The following MMP16 variants were observed in gnomAD, a reference collection of about 807,000 sequenced individuals.
MMP16 encodes the protein matrix metallopeptidase 16.
MMP16 carries 12 observed loss-of-function variants against 67.8 expected under a neutral mutation model. The observed-to-expected ratio is 0.18, with a 90% CI of 0.11 to 0.29. The LOEUF is 0.29. Among genes scored for constraint, MMP16 ranks in the 10% least tolerant of loss-of-function variants. MMP16 has a pLI of 1.00. For synonymous variants in MMP16, 249 were observed against 255.9 expected (o/e 0.97, Z 0.26); for missense variants, 475 against 765.7 (o/e 0.62, Z 4.48).
chr8:88,183,506 TG>T (rs1167946823), intron 3 of MMP16, among the ~76,000 whole-genome samples: 2 of 152,206 alleles, frequency 1.3e-5, no homozygotes, highest in African/African-American at 4.8e-5. Flanking sequence ...AATGATAGTT[TG>T]TTTCTTTTCA....
intron 1 of MMP16, among the ~76,000 whole-genome samples, chr8:88,260,526 G>A (rs950053768): frequency 6.6e-6 from 1 of 151,892 alleles, no homozygotes; most frequent in South Asian, 2.1e-4. Context: ...CCCTAACTGA[G>A]CATTCATGTT....
rs75687867 is a variant in MMP16 at position 88,320,533 on chromosome 8, A to G, written c.132+6542T>C. 5.2e-3 allele frequency among the ~76,000 whole-genome samples: 795 copies of G among 152,282 alleles called. 7 individuals carry two copies. Among genetic ancestry groups the G allele is most frequent in the Middle Eastern group, 0.01 (3 of 294 alleles). On this transcript the variant is annotated intron_variant, in intron 1 of 9. Coordinates refer to ENST00000286614, the MANE Select transcript of MMP16 (RefSeq NM_005941.5). ...TGCCATGCCCAGAACATTTTTCCCT[A>G]AAGTGCTAATTTCCTTCTTAGTTCA...
chr8:88,302,176 T>C (rs185524010), intron 1 of MMP16, among the ~76,000 whole-genome samples: 2 of 152,306 alleles, frequency 1.3e-5, no homozygotes, highest in Admixed American at 6.5e-5. Context: ...ATCTACATTA[T>C]AGTTAAGATC....
intron 7 of MMP16, among the ~76,000 whole-genome samples, chr8:88,060,588 A>G (rs1808385947): frequency 6.6e-6 from 1 of 152,096 alleles, no homozygotes; most frequent in African/African-American, 2.4e-5. Flanking sequence ...TTCAAAACTT[A>G]GCTTAGCACG....
chr8:88,311,273 G>T (rs2130066615), intron 1 of MMP16, among the ~76,000 whole-genome samples: 1 of 152,118 alleles, frequency 6.6e-6, no homozygotes, highest in South Asian at 2.1e-4. Flanking sequence ...GGTAAAAGGG[G>T]AACAGCATAC....
At chr8:88,122,486 T>C (rs1435371237) in intron 4 of MMP16, among the ~76,000 whole-genome samples, 2 of 151,954 alleles carry the variant, frequency 1.3e-5, no homozygotes, top group Non-Finnish European at 2.9e-5. Context: ...TATTCACTTG[T>C]AGGTTAAAAG....
intron 4 of MMP16, among the ~76,000 whole-genome samples, chr8:88,126,762 T>C (rs149362851): frequency 6.6e-6 from 1 of 151,952 alleles, no homozygotes; most frequent in African/African-American, 2.4e-5. Context: ...TGTATACAAT[T>C]TAGTAAACTA....
chr8:88,091,535 G>C (rs1233493074), intron 6 of MMP16, among the ~76,000 whole-genome samples: 1 of 151,004 alleles, frequency 6.6e-6, no homozygotes, highest in East Asian at 2.0e-4. Flanking sequence ...CAAATGAAAA[G>C]GTGACTAATT....
chr8:88,073,052 G>A (rs1475989273), intron 7 of MMP16, among the ~76,000 whole-genome samples: 2 of 152,192 alleles, frequency 1.3e-5, no homozygotes, highest in Non-Finnish European at 2.9e-5. Context: ...TTGTCAGAGA[G>A]CACTACTGGT....
chr8:88,175,785 G>A (rs1808879032), intron 3 of MMP16, among the ~76,000 whole-genome samples: 1 of 152,122 alleles, frequency 6.6e-6, no homozygotes, highest in South Asian at 2.1e-4. Flanking sequence ...GGACTCCGTG[G>A]GAGGTAATTG....
chr8:88,156,031 T>G (rs550194707), intron 4 of MMP16, among the ~76,000 whole-genome samples: 42 of 152,244 alleles, frequency 2.8e-4, no homozygotes, highest in African/African-American at 9.6e-4. Context: ...AATAAATGAG[T>G]TAAATACACA....
intron 6 of MMP16, among the ~76,000 whole-genome samples, chr8:88,113,603 A>G (rs1402609914): frequency 1.3e-5 from 2 of 151,930 alleles, no homozygotes; most frequent in African/African-American, 2.4e-5. Context: ...ACATTAATTT[A>G]GAAGTAAAGG....
intron 1 of MMP16, among the ~76,000 whole-genome samples, chr8:88,249,148 T>C (rs1038917691): frequency 1.3e-5 from 2 of 151,400 alleles, no homozygotes; most frequent in Admixed American, 6.6e-5. Context: ...CCAAGATACA[T>C]AAGAGAGCTA....
chr8:88,111,875 C>T (rs1251675599), intron 6 of MMP16, among the ~76,000 whole-genome samples: 1 of 151,350 alleles, frequency 6.6e-6, no homozygotes, highest in Non-Finnish European at 1.5e-5. Context: ...AGAAAGTGGT[C>T]GTAAATGAAG....
intron 7 of MMP16, among the ~76,000 whole-genome samples, chr8:88,073,103 G>A (rs1808588925): frequency 6.6e-6 from 1 of 152,178 alleles, no homozygotes; most frequent in Admixed American, 6.5e-5. Context: ...TCCCCAAGTG[G>A]AAGGCTAGTC....
Position 88,214,169 on chromosome 8 carries a change from A to C in MMP16, c.133-16863T>G, listed in dbSNP as rs181119263. Among the ~76,000 whole-genome samples, 209 of 152,244 alleles carry C rather than the reference A, an allele frequency of 1.4e-3. 3 individuals carry two copies. The highest frequency in any genetic ancestry group is 5.4e-4 in the Non-Finnish European group (37 of 68,004). On this transcript the variant is annotated intron_variant, in intron 1 of 9. Coordinates refer to ENST00000286614, the MANE Select transcript of MMP16 (RefSeq NM_005941.5). ...CTCCAGAACTCCAGAAACATCTATCACGTTTTCCAGCAAACATTTACATCC... is the reference window on the plus strand; with the variant it reads ...CTCCAGAACTCCAGAAACATCTATCCCGTTTTCCAGCAAACATTTACATCC...
chr8:88,208,734 C>T lies in MMP16; in HGVS notation c.133-11428G>A, dbSNP rs769357982. 2.6e-4 allele frequency among the ~76,000 whole-genome samples: 39 copies of T among 148,272 alleles called. 1 individual carries two copies. Among genetic ancestry groups the T allele is most frequent in the Middle Eastern group, 3.6e-3 (1 of 278 alleles). ...AACAATAAATTCTTGCTGGAGAAAACTGTGTACACACATGTTGTGCATGAC... is the reference window on the plus strand; with the variant it reads ...AACAATAAATTCTTGCTGGAGAAAATTGTGTACACACATGTTGTGCATGAC... On this transcript the variant is annotated intron_variant, in intron 1 of 9. Coordinates refer to ENST00000286614, the MANE Select transcript of MMP16 (RefSeq NM_005941.5).
chr8:88,176,877 G>C (rs1793251130), intron 3 of MMP16, among the ~76,000 whole-genome samples: 1 of 152,016 alleles, frequency 6.6e-6, no homozygotes, highest in African/African-American at 2.4e-5. Flanking sequence ...TGTTCTCCTT[G>C]GCCTTCACTG....
At chr8:88,185,747 T>C (rs1809062838) in intron 3 of MMP16, among the ~76,000 whole-genome samples, 1 of 152,186 alleles carries the variant, frequency 6.6e-6, no homozygotes, top group Non-Finnish European at 1.5e-5. Flanking sequence ...CATCTGGTTT[T>C]CTAGAATGGG....
Sources: gnomAD v4.1 joint callset for allele counts (sites outside exome capture counted in the v4.1 genomes callset) on GRCh38, gnomAD v4.1.1 for gene constraint, MANE v1.5 for transcripts, NCBI Gene and HGNC (gene_info 2026-07-23, HGNC 2026-07-21) for gene names.